Variants in BICC1 observed in about 807,000 individuals in gnomAD.
BICC1 encodes the protein BicC family RNA binding protein 1, also known as protein bicaudal C homolog 1.
Under a neutral mutation model 111.0 loss-of-function variants are expected in BICC1, and 43 were observed. That is an observed-to-expected ratio of 0.39 (90% confidence interval 0.30 to 0.50). BICC1 has a LOEUF of 0.50. Ranked by LOEUF, BICC1 falls within the 20% of genes least tolerant of loss-of-function variation. BICC1 has a pLI of 0.88. For missense variants in BICC1, 1,091 were observed against 1,203.2 expected (o/e 0.91, Z 1.38); for synonymous variants, 467 against 434.4 (o/e 1.07, Z -0.93).
At chr10:58,704,408 A>G (rs1840331281) in intron 3 of BICC1, among the ~76,000 whole-genome samples, 1 of 152,218 alleles carries the variant, frequency 6.6e-6, no homozygotes, top group Non-Finnish European at 1.5e-5. Flanking sequence ...TCATTTAAGC[A>G]CACAGCTGCT....
intron 2 of BICC1, among the ~76,000 whole-genome samples, chr10:58,691,988 A>G (rs1839922853): frequency 6.6e-6 from 1 of 152,158 alleles, no homozygotes; most frequent in South Asian, 2.1e-4. Context: ...TCTTCATGTT[A>G]TCTCCTTTAT....
chr10:58,735,949 T>C (rs567267096), intron 3 of BICC1, among the ~76,000 whole-genome samples: 1 of 152,292 alleles, frequency 6.6e-6, no homozygotes, highest in Admixed American at 6.5e-5. Context: ...CCAGCCAGAA[T>C]TGCAGGAGTT....
At chr10:58,676,048 C>T (rs2132340428) in intron 2 of BICC1, among the ~76,000 whole-genome samples, 1 of 152,218 alleles carries the variant, frequency 6.6e-6, no homozygotes, top group African/African-American at 2.4e-5. Context: ...GAACTCCCTC[C>T]CCTAGCCAAG....
In BICC1 at chr10:58,552,756, T is replaced by C. The variant is rs538606581; in HGVS notation, c.190+39423T>C. 2.6e-5 allele frequency among the ~76,000 whole-genome samples: 4 copies of C among 152,318 alleles called. No individual in the cohort carries two copies. In the South Asian group the frequency reaches 8.3e-4, roughly 32 times the overall value. ...AAGTGATCTTAGGAAAGTTATAATT[T>C]CTCTAGGTCTCAGTTGAACACTAGA... On this transcript the variant is annotated intron_variant, in intron 1 of 20. Transcript: ENST00000373886.
chr10:58,779,808 G>T (rs1371708908), intron 3 of BICC1, among the ~76,000 whole-genome samples: 3 of 152,184 alleles, frequency 2.0e-5, no homozygotes, highest in Non-Finnish European at 4.4e-5. Context: ...GATACATTCT[G>T]GCTTTTCCTA....
chr10:58,528,291 G>A (rs978474344), intron 1 of BICC1, among the ~76,000 whole-genome samples: 3 of 151,922 alleles, frequency 2.0e-5, no homozygotes, highest in South Asian at 2.1e-4. Flanking sequence ...AATCTAGGCC[G>A]TATGTAGAAT....
chr10:58,571,670 C>G (rs1304115115), intron 1 of BICC1, among the ~76,000 whole-genome samples: 1 of 152,106 alleles, frequency 6.6e-6, no homozygotes, highest in Non-Finnish European at 1.5e-5. Flanking sequence ...GACATGATCT[C>G]ATTCCTTTTT....
At chr10:58,576,579 C>G (rs1187322557) in intron 1 of BICC1, among the ~76,000 whole-genome samples, 1 of 152,162 alleles carries the variant, frequency 6.6e-6, no homozygotes, top group Non-Finnish European at 1.5e-5. Flanking sequence ...TTCGTGCCTC[C>G]CATCCTCAAC....
chr10:58,717,432 G>A (rs530726264), intron 3 of BICC1, among the ~76,000 whole-genome samples: 1 of 151,872 alleles, frequency 6.6e-6, no homozygotes, highest in African/African-American at 2.4e-5. Flanking sequence ...CTGGTATGCT[G>A]TGTCTTATTG....
chr10:58,540,243 A>G (rs1186448101), intron 1 of BICC1, among the ~76,000 whole-genome samples: 1 of 151,834 alleles, frequency 6.6e-6, no homozygotes, highest in Non-Finnish European at 1.5e-5. Flanking sequence ...CAAAGTTAGC[A>G]GAAGGAAGGG....
chr10:58,569,546 C>T (rs1046893810), intron 1 of BICC1, among the ~76,000 whole-genome samples: 37 of 152,232 alleles, frequency 2.4e-4, no homozygotes, highest in African/African-American at 8.7e-4. Flanking sequence ...CCCCTAGGCT[C>T]CCACCCCCTG....
chr10:58,533,640 G>A (rs773648220), intron 1 of BICC1, among the ~76,000 whole-genome samples: 7 of 151,838 alleles, frequency 4.6e-5, no homozygotes, highest in Non-Finnish European at 1.0e-4. Context: ...TAAACAAAAG[G>A]CGAGGAATTA....
At chr10:58,722,622 C>T (rs1284830052) in intron 3 of BICC1, among the ~76,000 whole-genome samples, 4 of 152,032 alleles carry the variant, frequency 2.6e-5, no homozygotes, top group Admixed American at 6.6e-5. Context: ...GCCATGATCA[C>T]GTTAGTTATC....
intron 1 of BICC1, among the ~76,000 whole-genome samples, chr10:58,539,831 T>TAA (rs1357967305): frequency 6.6e-6 from 1 of 151,908 alleles, no homozygotes; most frequent in Admixed American, 6.6e-5. Context: ...GCAGAATAGA[T>TAA]AGTCTTTTCA....
intron 3 of BICC1, among the ~76,000 whole-genome samples, chr10:58,730,808 A>G (rs749284076): frequency 3.3e-5 from 5 of 152,044 alleles, no homozygotes; most frequent in Non-Finnish European, 5.9e-5. Flanking sequence ...GGCAACAGGG[A>G]TACTGGGAGC....
rs71467049 is a variant in BICC1, at chr10:58,708,002, A to ATT, written c.307+5871_307+5872dup. ...GTGAGCCACCGCGCCTAGCCAGCTA[A>ATT]TTTTTTTTTTTTTGTATTTTTAGTA... On this transcript the variant is annotated intron_variant, in intron 3 of 20. Coordinates refer to ENST00000373886, the MANE Select transcript of BICC1 (RefSeq NM_001080512.3). 1.5e-3 allele frequency among the ~76,000 whole-genome samples: 159 copies of ATT among 108,312 alleles called. 27 individuals are homozygous for ATT. Among genetic ancestry groups the ATT allele is most frequent in the African/African-American group, 3.5e-3 (100 of 28,184 alleles). The allele number at this position is 108,312 out of a possible 152,430, so 71.1% of individuals were successfully genotyped here. A position where few individuals can be genotyped will look rare whatever the true frequency, so the allele number is the denominator to read the frequency against.
intron 1 of BICC1, among the ~76,000 whole-genome samples, chr10:58,534,413 C>T (rs774620712): frequency 1.3e-5 from 2 of 151,616 alleles, no homozygotes; most frequent in East Asian, 1.9e-4. Flanking sequence ...TGCTCAACAC[C>T]AAGCATATCA....
At chr10:58,823,523 A>G in intron 20 of BICC1, 1 of 984,074 alleles carries the variant, frequency 1.0e-6, no homozygotes, top group Non-Finnish European at 1.2e-6. Flanking sequence ...CCTTGTGATC[A>G]TTTTACTGTT....
chr10:58,739,747 C>T (rs1841595262), intron 3 of BICC1, among the ~76,000 whole-genome samples: 1 of 152,092 alleles, frequency 6.6e-6, no homozygotes, highest in South Asian at 2.1e-4. Flanking sequence ...ACACATATCC[C>T]TTCCTCTAGA....
Sources: gnomAD v4.1 joint callset for allele counts (sites outside exome capture counted in the v4.1 genomes callset) on GRCh38, gnomAD v4.1.1 for gene constraint, MANE v1.5 for transcripts, NCBI Gene and HGNC (gene_info 2026-07-23, HGNC 2026-07-21) for gene names.